The following DTD1 variants were observed in gnomAD, a reference collection of about 807,000 sequenced individuals.
DTD1 encodes the protein D-aminoacyl-tRNA deacylase 1, also known as D-tyrosyl-tRNA deacylase 1 homolog.
Under a neutral mutation model 25.6 loss-of-function variants are expected in DTD1, and 13 were observed. The ratio of observed to expected loss-of-function variants is 0.51; its 90% CI spans 0.33 to 0.81. The LOEUF (loss-of-function observed/expected upper bound fraction) is 0.81, where lower values mean the gene tolerates loss of function less well. Among genes scored for constraint, DTD1 ranks in the 30% least tolerant of loss-of-function variants. The probability of loss-of-function intolerance (pLI) is 0.02; values close to 1 mark genes in which losing one functional copy is unlikely to be tolerated. For missense variants in DTD1, 193 were observed against 266.4 expected, an observed-to-expected ratio of 0.72 and a Z score of 1.92; for synonymous variants, 110 against 103.6, an observed-to-expected ratio of 1.06 and a Z score of -0.37.
rs537488809 is a variant in DTD1, at chr20:18,766,499, T to G, written c.*3159T>G. Reference sequence around the variant, plus strand: ...TGGCTCACGCCTGTAATCCCAGCACTTTGGGAGGCCGAGGCGGGTGGATCA... The same window carrying G: ...TGGCTCACGCCTGTAATCCCAGCACGTTGGGAGGCCGAGGCGGGTGGATCA... On this transcript the variant is annotated 3_prime_UTR_variant, in exon 6 of 6. Coordinates refer to ENST00000377452, the MANE Select transcript of DTD1 (RefSeq NM_080820.6). The G allele has an allele frequency of 6.6e-6, 1 of 151,902 alleles. No individual in the cohort carries two copies. The highest frequency in any genetic ancestry group is 2.1e-4 in the South Asian group (1 of 4,802). The allele number at this position is 151,902 out of a possible 1,614,324, so 9.4% of individuals were successfully genotyped here.
At chr20:18,632,465 TTTC>T in intron 4 of DTD1, 1 of 985,482 alleles carries the variant, frequency 1.0e-6, no homozygotes, top group Non-Finnish European at 1.2e-6. Context: ...CTCTCTGCCT[TTTC>T]TTCTGAATTA....
At chr20:18,668,337 A>G (rs898545261) in intron 4 of DTD1, among the ~76,000 whole-genome samples, 1 of 152,198 alleles carries the variant, frequency 6.6e-6, no homozygotes, top group African/African-American at 2.4e-5. Context: ...GTTTCTGTTT[A>G]TGGGATGTCA....
In DTD1 at chr20:18,659,304, C is replaced by T. The variant is rs115280309; in HGVS notation, c.477+31071C>T. Among the ~76,000 whole-genome samples the T allele has an allele frequency of 3.4e-3, 520 of 152,292 alleles. 1 individual carries two copies. The highest frequency in any genetic ancestry group is 0.011 in the African/African-American group (477 of 41,556). ...GGTTTGCACCTTTGGCCCTGTTGCT[C>T]CCCACCATGAGTGCCCAGGCTGACC... is the stretch of plus-strand genomic sequence containing the variant. On this transcript the variant is annotated intron_variant, in intron 4 of 5. Transcript: ENST00000377452.
At chr20:18,717,984 G>A (rs1400244411) in intron 4 of DTD1, among the ~76,000 whole-genome samples, 2 of 152,214 alleles carry the variant, frequency 1.3e-5, no homozygotes, top group Non-Finnish European at 2.9e-5. Context: ...GTAGCTAAAA[G>A]ATGGGCTCTG....
intron 4 of DTD1, among the ~76,000 whole-genome samples, chr20:18,666,047 T>C (rs1427628366): frequency 6.6e-6 from 1 of 152,214 alleles, no homozygotes; most frequent in Non-Finnish European, 1.5e-5. Context: ...TGTTCCAGAA[T>C]CTAGTCTAGG....
intron 4 of DTD1, among the ~76,000 whole-genome samples, chr20:18,689,684 T>C (rs2061034055): frequency 6.6e-6 from 1 of 152,160 alleles, no homozygotes; most frequent in African/African-American, 2.4e-5. Context: ...TTTAAAACTA[T>C]CTAGACCAGC....
chr20:18,745,739 T>G (rs2061297526), intron 5 of DTD1, among the ~76,000 whole-genome samples: 1 of 152,110 alleles, frequency 6.6e-6, no homozygotes. Flanking sequence ...GCAGGGAGCA[T>G]CTCTGAACTT....
intron 3 of DTD1, among the ~76,000 whole-genome samples, chr20:18,606,990 A>T (rs1203252007): frequency 6.6e-6 from 1 of 151,918 alleles, no homozygotes; most frequent in Non-Finnish European, 1.5e-5. Context: ...ATTAAAGTTC[A>T]TCACATGCTT....
At position 18,595,989 on chromosome 20, in the gene DTD1, G is replaced by C; in HGVS notation, c.135-17G>C. 2 of 1,610,086 alleles carry C rather than the reference G, an allele frequency of 1.2e-6. No homozygotes were observed. The highest frequency in any genetic ancestry group is 8.5e-7 in the Non-Finnish European group (1 of 1,176,324). On this transcript the variant is annotated splice_polypyrimidine_tract_variant and intron_variant, in intron 2 of 5. Transcript: ENST00000377452. ...TGTGATCTCTCAGGTAGCTCTCACT[G>C]CTCTTTTTCCCCTTAGGGTCCGAAA... is the stretch of plus-strand genomic sequence containing the variant.
chr20:18,624,302 A>G (rs1448717374), intron 3 of DTD1, among the ~76,000 whole-genome samples: 1 of 152,194 alleles, frequency 6.6e-6, no homozygotes, highest in East Asian at 1.9e-4. Context: ...AATACATAAG[A>G]AACTCATAAT....
chr20:18,634,403 A>G (rs922861285), intron 4 of DTD1, among the ~76,000 whole-genome samples: 3 of 152,164 alleles, frequency 2.0e-5, no homozygotes, highest in Non-Finnish European at 4.4e-5. Context: ...TTACATTCTC[A>G]TTTATTTAGT....
chr20:18,652,097 A>C (rs571392310), intron 4 of DTD1, among the ~76,000 whole-genome samples: 2 of 152,326 alleles, frequency 1.3e-5, no homozygotes, highest in African/African-American at 4.8e-5. Context: ...ACTGACTGTC[A>C]GCTGAGCTGA....
At chr20:18,671,158 A>G (rs1189222098) in intron 4 of DTD1, among the ~76,000 whole-genome samples, 1 of 152,224 alleles carries the variant, frequency 6.6e-6, no homozygotes, top group Non-Finnish European at 1.5e-5. Flanking sequence ...TTCACATGAC[A>G]TTCTCATGTA....
intron 1 of DTD1, 78 bp from the exon 2 acceptor site, chr20:18,593,653 T>C: frequency 1.0e-6 from 1 of 986,624 alleles, no homozygotes; most frequent in Admixed American, 1.9e-5. Flanking sequence ...ATGTTTAAAA[T>C]ACTCCTATGG....
intron 4 of DTD1, among the ~76,000 whole-genome samples, chr20:18,711,320 C>A (rs966191262): frequency 6.6e-6 from 1 of 152,166 alleles, no homozygotes; most frequent in African/African-American, 2.4e-5. Flanking sequence ...TGAGTGGCCT[C>A]CGGGACTCTC....
chr20:18,761,989 T>G (rs2061364900), intron 5 of DTD1, among the ~76,000 whole-genome samples: 1 of 152,178 alleles, frequency 6.6e-6, no homozygotes, highest in Non-Finnish European at 1.5e-5. Flanking sequence ...TGGGTTTGGG[T>G]GTACGAGGGT....
At chr20:18,607,360 C>T (rs1359859929) in intron 3 of DTD1, among the ~76,000 whole-genome samples, 1 of 152,080 alleles carries the variant, frequency 6.6e-6, no homozygotes, top group Non-Finnish European at 1.5e-5. Context: ...GGGGTTTCAC[C>T]ATGTTCGCCA....
Position 18,644,857 on chromosome 20 carries a change from C to T in DTD1, c.477+16624C>T, listed in dbSNP as rs74695168. Among the ~76,000 whole-genome samples the T allele has an allele frequency of 3.0e-3, 455 of 152,164 alleles. 2 individuals are homozygous for T. Among genetic ancestry groups the T allele is most frequent in the African/African-American group, 0.01 (419 of 41,530 alleles). ...CTCAGCTTACTTTATTCAACCGTGG[C>T]GTATGGGGCCAGGCGCAGTGGCTCA... On this transcript the variant is annotated intron_variant, in intron 4 of 5. Coordinates refer to ENST00000377452, the MANE Select transcript of DTD1 (RefSeq NM_080820.6).
chr20:18,726,633 G>C (rs2061223374), intron 4 of DTD1, among the ~76,000 whole-genome samples: 1 of 152,196 alleles, frequency 6.6e-6, no homozygotes, highest in South Asian at 2.1e-4. Flanking sequence ...TCTACTCCTT[G>C]TTGTCACTTA....
Sources: gnomAD v4.1 joint callset for allele counts (sites outside exome capture counted in the v4.1 genomes callset) on GRCh38, gnomAD v4.1.1 for gene constraint, MANE v1.5 for transcripts, NCBI Gene and HGNC (gene_info 2026-07-23, HGNC 2026-07-21) for gene names.